PLD1: variants seen among roughly 807,000 people sequenced by gnomAD.
The protein encoded by PLD1 is phospholipase D1.
PLD1 carries 112 observed loss-of-function variants against 137.1 expected under a neutral mutation model. That is an observed-to-expected ratio of 0.82 (90% CI 0.70 to 0.96). The LOEUF is 0.96. Ranked by LOEUF, PLD1 falls within the 40% of genes least tolerant of loss-of-function variation. PLD1 has a pLI of 0.00. For synonymous variants in PLD1, 431 were observed against 454.7 expected (o/e 0.95, Z 0.66); for missense variants, 1,321 against 1,342.0 (o/e 0.98, Z 0.24).
At position 171,737,922 on chromosome 3, in the gene PLD1, C is replaced by G; in HGVS notation, c.130G>C (p.Val44Leu). The G allele has an allele frequency of 2.5e-6, 4 of 1,613,896 alleles. No homozygotes were observed. Among genetic ancestry groups the G allele is most frequent in the Non-Finnish European group, 3.4e-6 (4 of 1,179,920 alleles). ...HFEGEEVDYD[V>L]SPSDPKIQEV... ...TGTATCTTGGGATCGCTGGGAGACACGTCGTAGTCTACCTCCTCTCCCTCA... is the reference window on the plus strand; with the variant it reads ...TGTATCTTGGGATCGCTGGGAGACAGGTCGTAGTCTACCTCCTCTCCCTCA... Residue 44 changes from valine (V) to leucine (L), a missense_variant, in exon 2 of 27, where the codon GTG becomes CTG. By Grantham distance (32) the Val-to-Leu change is conservative. Coordinates refer to ENST00000351298, the MANE Select transcript of PLD1 (RefSeq NM_002662.5).
At position 171,737,712 on chromosome 3, in the gene PLD1, C is replaced by T. The variant is rs567726382; in HGVS notation, c.161-53G>A. 7 of 1,362,164 alleles carry T rather than the reference C, an allele frequency of 5.1e-6. No homozygotes were observed. The South Asian group carries it at 5.3e-5, about 10-fold the overall frequency. 84.4% of individuals were successfully genotyped at this position (1,362,164 alleles called of 1,614,324 possible). On this transcript the variant is annotated intron_variant, in intron 2 of 26. Coordinates refer to ENST00000351298, the MANE Select transcript of PLD1 (RefSeq NM_002662.5). ...GCAATATATGATTAGCATAACTTGT[C>T]TTTTACAGGCATTCTTTTAAGAATC...
At chr3:171,761,696 C>A (rs990670580) in intron 1 of PLD1, among the ~76,000 whole-genome samples, 3 of 152,140 alleles carry the variant, frequency 2.0e-5, no homozygotes, top group Non-Finnish European at 4.4e-5. Context: ...CGTGGTAAGT[C>A]CTGAGACTCC....
chr3:171,669,680 C>A lies in PLD1; in HGVS notation c.2229+4820G>T, dbSNP rs545566921. On this transcript the variant is annotated intron_variant, in intron 19 of 26. Transcript: ENST00000351298. ...CCTCCGTAAGTGCTGGGATTACAGG[C>A]CTGAGCCACTGCGCCCAGCCTGTTG... Among the ~76,000 whole-genome samples the A allele has an allele frequency of 5.9e-5, 9 of 152,350 alleles. No individual in the cohort carries two copies. The South Asian group carries it at 1.7e-3, about 28-fold the overall frequency.
rs1429863526 is a variant in PLD1 at position 171,735,545 on chromosome 3, G to A, written c.381C>T (p.His127=). 1.2e-6 allele frequency: 2 copies of A among 1,612,390 alleles called. No individual in the cohort carries two copies. The highest frequency in any genetic ancestry group is 2.2e-5 in the East Asian group (1 of 44,878). The change falls in exon 4 of 27, where the codon CAC becomes CAT. Residue 127 remains histidine (H), a synonymous_variant. Transcript: ENST00000351298. The stretch of plus-strand genomic sequence containing the variant: ...AGGCTTTGTACTTGAGCAGCTCTCT[G>A]TGAAATTCTTGAAAATGCTTGAATT... ...KRKFKHFQEF[H]RELLKYKAFI... is the part of the protein sequence containing the mutation.
intron 23 of PLD1, among the ~76,000 whole-genome samples, chr3:171,625,243 G>A (rs1240807712): frequency 1.3e-5 from 2 of 152,178 alleles, no homozygotes; most frequent in East Asian, 1.9e-4. Context: ...ACGGAGTCTC[G>A]CTGATTGCTA....
chr3:171,629,035 T>C (rs1734407320), intron 23 of PLD1, among the ~76,000 whole-genome samples: 1 of 148,364 alleles, frequency 6.7e-6, no homozygotes, highest in Non-Finnish European at 1.5e-5. Flanking sequence ...GAGAAGGAAA[T>C]AAAGGGTATT....
At chr3:171,696,906 T>A (rs1715745410) in intron 12 of PLD1, among the ~76,000 whole-genome samples, 1 of 152,234 alleles carries the variant, frequency 6.6e-6, no homozygotes, top group South Asian at 2.1e-4. Context: ...AATGAAGCAC[T>A]GTTATCAGGC....
In PLD1 at chr3:171,808,838, T is replaced by TTTTG. The variant is rs1234325334; in HGVS notation, c.-32+1560_-32+1561insCAAA. On this transcript the variant is annotated intron_variant, in intron 1 of 26. Transcript: ENST00000351298. ...CAATTTTTTTTTTTTTTTTTTTTTT[T>TTTTG]TTTTGAGACAGATTCTTGCCCTGTC... 4.6e-4 allele frequency among the ~76,000 whole-genome samples: 56 copies of TTTTG among 120,444 alleles called. No individual in the cohort carries two copies. In the East Asian group the frequency reaches 0.01, roughly 22 times the overall value. The allele number at this position is 120,444 out of a possible 152,430, so 79.0% of individuals were successfully genotyped here. A position where few individuals can be genotyped will look rare whatever the true frequency, so the allele number is the denominator to read the frequency against.
chr3:171,635,310 C>T (rs570612608), intron 23 of PLD1, among the ~76,000 whole-genome samples: 1 of 152,094 alleles, frequency 6.6e-6, no homozygotes, highest in Non-Finnish European at 1.5e-5. Context: ...GGGTTATAGG[C>T]TAACTATATT....
chr3:171,604,795 T>C (rs1732079561), intron 26 of PLD1, among the ~76,000 whole-genome samples: 1 of 152,250 alleles, frequency 6.6e-6, no homozygotes, highest in African/African-American at 2.4e-5. Flanking sequence ...TACTGTTTAC[T>C]ATACACTATG....
intron 21 of PLD1, among the ~76,000 whole-genome samples, chr3:171,645,252 G>C (rs1195116319): frequency 6.6e-6 from 1 of 152,176 alleles, no homozygotes; most frequent in African/African-American, 2.4e-5. Flanking sequence ...TGGCAGTAAA[G>C]TAGAAATTGT....
intron 9 of PLD1, among the ~76,000 whole-genome samples, chr3:171,712,429 G>A (rs1717336798): frequency 6.6e-6 from 1 of 152,162 alleles, no homozygotes; most frequent in African/African-American, 2.4e-5. Flanking sequence ...TGAGTAACAA[G>A]ATAAGACATT....
chr3:171,740,250 CT>C (rs145626925), intron 1 of PLD1, among the ~76,000 whole-genome samples: 5,113 of 152,208 alleles, frequency 0.034, 308 homozygotes, highest in African/African-American at 0.12. Context: ...GTTTTCTAAC[CT>C]GGATAACTTA....
chr3:171,688,588 T>G, intron 14 of PLD1, 88 bp downstream of exon 14: 1 of 1,001,844 alleles, frequency 1.0e-6, no homozygotes, highest in South Asian at 1.3e-5. Context: ...CATCTCTTAT[T>G]CAATGAATCA....
intron 22 of PLD1, chr3:171,643,222 C>T (rs1735917497): frequency 4.5e-6 from 1 of 223,102 alleles, no homozygotes; most frequent in Non-Finnish European, 8.7e-6. Context: ...ATTTAGAATG[C>T]ATCAGTAGAT....
chr3:171,693,829 A>G (rs1420760783), intron 12 of PLD1, among the ~76,000 whole-genome samples: 1 of 152,178 alleles, frequency 6.6e-6, no homozygotes, highest in Non-Finnish European at 1.5e-5. Flanking sequence ...TTCCATGGTG[A>G]TTAGTCATTG....
chr3:171,709,512 A>C (rs375697899), intron 10 of PLD1, 48 bp downstream of exon 10: 5 of 1,558,350 alleles, frequency 3.2e-6, no homozygotes, highest in Admixed American at 3.4e-5. Context: ...CCAGTGTAAT[A>C]TTAGATGCTA....
At chr3:171,614,893 G>A (rs1173785875) in intron 24 of PLD1, among the ~76,000 whole-genome samples, 1 of 152,192 alleles carries the variant, frequency 6.6e-6, no homozygotes, top group Non-Finnish European at 1.5e-5. Flanking sequence ...CTCCCGAGGT[G>A]AGGAATACAT....
At chr3:171,665,057 C>T (rs1025128863) in intron 19 of PLD1, among the ~76,000 whole-genome samples, 5 of 152,202 alleles carry the variant, frequency 3.3e-5, no homozygotes, top group African/African-American at 1.2e-4. Flanking sequence ...AAACCTTATA[C>T]TTTCTTTCCT....
Sources: allele counts gnomAD v4.1 joint callset (sites outside exome capture counted in the v4.1 genomes callset), GRCh38; gene constraint gnomAD v4.1.1; transcripts MANE v1.5; gene names NCBI Gene and HGNC (gene_info 2026-07-23, HGNC 2026-07-21).